ZNF678: variants seen among roughly 807,000 people sequenced by gnomAD.
ZNF678 encodes the protein hypothetical protein MGC42493.
ZNF678 carries 5 observed loss-of-function variants against 3.0 expected under a neutral mutation model. The observed-to-expected ratio is 1.69, with a 90% CI of 0.88 to 3.56. ZNF678 has a LOEUF of 3.56. ZNF678 is among the 30% of genes most tolerant of loss of function. The pLI is 0.00. For synonymous variants in ZNF678, 218 were observed against 199.6 expected, an observed-to-expected ratio of 1.09 and a Z score of -0.78; for missense variants, 593 against 605.0, an observed-to-expected ratio of 0.98 and a Z score of 0.21.
chr1:227,571,331 G>A (rs74492285), intron 1 of ZNF678, among the ~76,000 whole-genome samples: 2 of 152,098 alleles, frequency 1.3e-5, no homozygotes, highest in Non-Finnish European at 1.5e-5. Flanking sequence ...TTCTAGTGTT[G>A]TATCCATGTT....
intron 1 of ZNF678, among the ~76,000 whole-genome samples, chr1:227,592,300 G>T (rs909872675): frequency 6.6e-6 from 1 of 152,232 alleles, no homozygotes; most frequent in Non-Finnish European, 1.5e-5. Flanking sequence ...GGGGATTTTA[G>T]GTTTAGGTTT....
At chr1:227,567,878 A>G (rs1008601549) in intron 1 of ZNF678, among the ~76,000 whole-genome samples, 1 of 152,136 alleles carries the variant, frequency 6.6e-6, no homozygotes, top group African/African-American at 2.4e-5. Flanking sequence ...GAATATTGCA[A>G]CGGGAAAAAT....
intron 1 of ZNF678, among the ~76,000 whole-genome samples, chr1:227,577,570 CTG>C (rs1256784310): frequency 1.3e-5 from 2 of 151,822 alleles, no homozygotes; most frequent in African/African-American, 4.8e-5. Context: ...TTGCTTTTTT[CTG>C]TGTTTTATTT....
intron 5 of ZNF678, among the ~76,000 whole-genome samples, chr1:227,667,615 T>C (rs1389429508): frequency 6.6e-6 from 1 of 152,186 alleles, no homozygotes; most frequent in East Asian, 1.9e-4. Flanking sequence ...TCTCACATAA[T>C]TAGATAAAGA....
chr1:227,606,159 A>G (rs1458481453), intron 1 of ZNF678, among the ~76,000 whole-genome samples: 4 of 152,094 alleles, frequency 2.6e-5, no homozygotes, highest in African/African-American at 9.7e-5. Context: ...GCATGCAAGG[A>G]CCTGCACCGG....
chr1:227,650,747 TTTA>T (rs1157800396), intron 2 of ZNF678, among the ~76,000 whole-genome samples: 4 of 152,216 alleles, frequency 2.6e-5, no homozygotes, highest in African/African-American at 9.6e-5. Flanking sequence ...ATGAGTTTTT[TTTA>T]TTAAGTGGTT....
chr1:227,568,324 T>TTA (rs1656749336), intron 1 of ZNF678, among the ~76,000 whole-genome samples: 1 of 151,686 alleles, frequency 6.6e-6, no homozygotes, highest in East Asian at 1.9e-4. Flanking sequence ...TTTTTTTTTT[T>TTA]ACCACTAAAG....
intron 1 of ZNF678, among the ~76,000 whole-genome samples, chr1:227,574,213 G>A (rs1452480955): frequency 6.6e-6 from 1 of 152,074 alleles, no homozygotes; most frequent in Non-Finnish European, 1.5e-5. Context: ...GGGTCAAATG[G>A]TATTTCTGTT....
At chr1:227,649,671 A>C (rs1015214474) in intron 2 of ZNF678, among the ~76,000 whole-genome samples, 2 of 152,158 alleles carry the variant, frequency 1.3e-5, no homozygotes, top group African/African-American at 2.4e-5. Context: ...ATTATTGTCA[A>C]ACTGTTACCT....
intron 1 of ZNF678, among the ~76,000 whole-genome samples, chr1:227,618,819 T>C (rs1488683007): frequency 6.6e-6 from 1 of 152,212 alleles, no homozygotes; most frequent in East Asian, 1.9e-4. Context: ...CAGGATTACC[T>C]GGGCACCTAT....
At chr1:227,572,053 AACAG>A (rs1181077943) in intron 1 of ZNF678, among the ~76,000 whole-genome samples, 1 of 152,184 alleles carries the variant, frequency 6.6e-6, no homozygotes, top group South Asian at 2.1e-4. Context: ...AAAACAAACA[AACAG>A]ACAGTGATTA....
intron 1 of ZNF678, among the ~76,000 whole-genome samples, chr1:227,627,563 A>G (rs1278128125): frequency 2.0e-5 from 3 of 152,080 alleles, no homozygotes; most frequent in Non-Finnish European, 4.4e-5. Flanking sequence ...ATAATCTCCT[A>G]ATGGCTTCCT....
downstream of ZNF678, among the ~76,000 whole-genome samples, chr1:227,663,013 G>A (rs1234461751): frequency 6.6e-6 from 1 of 152,130 alleles, no homozygotes; most frequent in East Asian, 1.9e-4. Context: ...TTATTGGAGT[G>A]AGCCCTAATC....
In ZNF678 at chr1:227,655,632, A is replaced by G; in HGVS notation, c.1382A>G (p.Tyr461Cys). The G allele has an allele frequency of 2.5e-6, 4 of 1,612,782 alleles. No individual in the cohort carries two copies. Among genetic ancestry groups the G allele is most frequent in the Middle Eastern group, 3.3e-4 (2 of 6,050 alleles). ...AGAATTCATACTGAAGAGAAACCCTACAAATGTGAAGAATGTGGCAAAGCC... is the reference window on the plus strand; with the variant it reads ...AGAATTCATACTGAAGAGAAACCCTGCAAATGTGAAGAATGTGGCAAAGCC... ...HKRIHTEEKP[Y>C]KCEECGKAFN... Residue 461 changes from tyrosine to cysteine, a missense_variant, in exon 4 of 4, where the codon TAC becomes TGC. Physicochemically the swap from Tyr to Cys is radical, Grantham distance 194. Transcript: ENST00000343776.
intron 1 of ZNF678, among the ~76,000 whole-genome samples, chr1:227,643,333 A>C (rs1658868896): frequency 6.6e-6 from 1 of 152,200 alleles, no homozygotes; most frequent in South Asian, 2.1e-4. Flanking sequence ...TACAGAATAG[A>C]GAATTGTCTT....
At chr1:227,641,944 G>A (rs1658832600) in intron 1 of ZNF678, among the ~76,000 whole-genome samples, 2 of 152,184 alleles carry the variant, frequency 1.3e-5, no homozygotes, top group South Asian at 4.1e-4. Context: ...GGAATCTGCA[G>A]AGGGCACCTG....
rs779302216 is a variant in ZNF678 at position 227,655,679 on chromosome 1, A to G, written c.1429A>G (p.Thr477Ala). 6 of 1,612,774 alleles carry G rather than the reference A, an allele frequency of 3.7e-6. No homozygotes were observed. The South Asian group carries it at 5.5e-5, about 15-fold the overall frequency. The change falls in exon 4 of 4, where the codon ACT (threonine) becomes GCT (alanine). Residue 477 changes from threonine (T) to alanine (A), a missense_variant. Coordinates refer to ENST00000343776, the MANE Select transcript of ZNF678 (RefSeq NM_001367909.1). ...GKAFNQFSSL[T>A]RHKRIHTGEK... ...AGCCTTTAACCAGTTCTCAAGCCTT[A>G]CTCGTCATAAAAGAATTCATACTGG... is the stretch of plus-strand genomic sequence containing the variant.
chr1:227,677,615 C>T (rs12070539), downstream of ZNF678, among the ~76,000 whole-genome samples: 32,401 of 152,088 alleles, frequency 0.21, 3,888 homozygotes, highest in East Asian at 0.44. Context: ...TTAATGTGAC[C>T]AAGACGATGG....
At chr1:227,602,169 A>T (rs1004300125) in intron 1 of ZNF678, among the ~76,000 whole-genome samples, 5 of 152,210 alleles carry the variant, frequency 3.3e-5, no homozygotes, top group African/African-American at 4.8e-5. Context: ...ACAAAAACTT[A>T]TATAAAGTTT....
Sources: allele counts gnomAD v4.1 joint callset (sites outside exome capture counted in the v4.1 genomes callset), GRCh38; gene constraint gnomAD v4.1.1; transcripts MANE v1.5; gene names NCBI Gene and HGNC (gene_info 2026-07-23, HGNC 2026-07-21).